The following CRPPA variants were observed in gnomAD, a reference collection of about 807,000 sequenced individuals.
The protein encoded by CRPPA is D-ribitol-5-phosphate cytidylyltransferase.
A neutral mutation model predicts 52.0 loss-of-function variants in CRPPA; 43 were observed. That is an observed-to-expected ratio of 0.83 (90% confidence interval 0.65 to 1.07). The LOEUF is 1.07. Ranked by LOEUF, CRPPA falls within the 50% of genes least tolerant of loss-of-function variation. CRPPA has a pLI of 0.00. For missense variants in CRPPA, 629 were observed against 551.7 expected (o/e 1.14, Z -1.40); for synonymous variants, 250 against 203.5 (o/e 1.23, Z -1.94).
intron 9 of CRPPA, among the ~76,000 whole-genome samples, chr7:16,107,293 A>C (rs1255836493): frequency 1.3e-5 from 2 of 152,190 alleles, no homozygotes; most frequent in Admixed American, 1.3e-4. Context: ...TAATCAATGC[A>C]ACCCAGAAAG....
chr7:16,310,815 A>C (rs2158487), intron 3 of CRPPA, among the ~76,000 whole-genome samples: 123,036 of 152,010 alleles, frequency 0.81, 50,560 homozygotes, highest in African/African-American at 0.95. Context: ...TACAAACAAG[A>C]TGTAATCCAA....
intron 9 of CRPPA, among the ~76,000 whole-genome samples, chr7:16,124,848 CAATT>C (rs1434031505): frequency 6.6e-6 from 1 of 150,980 alleles, no homozygotes. Context: ...AATTAAATGT[CAATT>C]AAAATAATTT....
chr7:16,331,146 C>T (rs1475422113), intron 3 of CRPPA, among the ~76,000 whole-genome samples: 14 of 152,100 alleles, frequency 9.2e-5, no homozygotes, highest in East Asian at 1.9e-4. Flanking sequence ...ACTACAGGCG[C>T]ACGCCACCAT....
At chr7:16,235,383 C>T (rs1414082686) in intron 8 of CRPPA, among the ~76,000 whole-genome samples, 1 of 152,042 alleles carries the variant, frequency 6.6e-6, no homozygotes, top group African/African-American at 2.4e-5. Flanking sequence ...AAATGCCTAA[C>T]ACATGCAGGA....
intron 9 of CRPPA, among the ~76,000 whole-genome samples, chr7:16,211,688 G>T (rs138128913): frequency 6.6e-4 from 100 of 152,232 alleles, no homozygotes; most frequent in African/African-American, 2.4e-3. Context: ...AGTAAATGCG[G>T]ACCTTTGAGA....
At chr7:16,213,079 T>A (rs1782195383) in intron 9 of CRPPA, among the ~76,000 whole-genome samples, 1 of 152,190 alleles carries the variant, frequency 6.6e-6, no homozygotes, top group Non-Finnish European at 1.5e-5. Flanking sequence ...AAAAAGTCAT[T>A]ATAGAGGTAT....
At chr7:16,191,670 C>T (rs950201084) in intron 9 of CRPPA, among the ~76,000 whole-genome samples, 6 of 152,032 alleles carry the variant, frequency 3.9e-5, no homozygotes, top group African/African-American at 9.7e-5. Context: ...GGCTTTGTAC[C>T]GGTTGCTTCC....
chr7:16,386,905 A>T (rs554539782), intron 2 of CRPPA, among the ~76,000 whole-genome samples: 1 of 151,958 alleles, frequency 6.6e-6, no homozygotes, highest in African/African-American at 2.4e-5. Flanking sequence ...CTGTAGTCCC[A>T]GCTACTTGGA....
At chr7:16,310,622 A>T (rs189113197) in intron 3 of CRPPA, among the ~76,000 whole-genome samples, 1 of 152,272 alleles carries the variant, frequency 6.6e-6, no homozygotes, top group East Asian at 1.9e-4. Flanking sequence ...ACTCATCGAC[A>T]AAGTCAAATA....
At chr7:16,269,801 A>T (rs994141349) in intron 6 of CRPPA, 1 of 152,186 alleles carries the variant, frequency 6.6e-6, no homozygotes, top group African/African-American at 2.4e-5. Context: ...ATTATACTAC[A>T]CACAAATACT....
intron 8 of CRPPA, chr7:16,235,866 C>G (rs1022804839): frequency 1.3e-5 from 2 of 152,034 alleles, no homozygotes; most frequent in African/African-American, 4.8e-5. Flanking sequence ...TAATTTTGAA[C>G]TGGGGATAAT....
intron 3 of CRPPA, among the ~76,000 whole-genome samples, chr7:16,359,084 G>C (rs1786377665): frequency 6.6e-6 from 1 of 152,182 alleles, no homozygotes; most frequent in Non-Finnish European, 1.5e-5. Context: ...GAAAATGCTT[G>C]CTTTAATATT....
intron 5 of CRPPA, among the ~76,000 whole-genome samples, chr7:16,283,017 A>G (rs1784348445): frequency 6.6e-6 from 1 of 152,026 alleles, no homozygotes; most frequent in African/African-American, 2.4e-5. Flanking sequence ...TATATTTTCA[A>G]ATACATATGC....
chr7:16,362,045 G>C (rs1029591579), intron 3 of CRPPA, among the ~76,000 whole-genome samples: 5 of 152,010 alleles, frequency 3.3e-5, no homozygotes, highest in African/African-American at 1.2e-4. Flanking sequence ...TGGTAGAGAC[G>C]GGGTTTCACC....
At chr7:16,244,002 T>G (rs1420727194) in intron 8 of CRPPA, among the ~76,000 whole-genome samples, 1 of 152,120 alleles carries the variant, frequency 6.6e-6, no homozygotes, top group Non-Finnish European at 1.5e-5. Context: ...AAATGAAGCA[T>G]ATCACAGCAT....
At chr7:16,288,516 G>C (rs1017285023) in intron 5 of CRPPA, among the ~76,000 whole-genome samples, 1 of 151,890 alleles carries the variant, frequency 6.6e-6, no homozygotes, top group South Asian at 2.1e-4. Context: ...TTTGTAGAAG[G>C]AAAGAAAGAT....
rs1315040346 is a variant in CRPPA at position 16,133,507 on chromosome 7, G to C, written c.1252-41708C>G. Among the ~76,000 whole-genome samples, 2 of 124,034 alleles carry C rather than the reference G, an allele frequency of 1.6e-5. 1 individual carries two copies. Among genetic ancestry groups the C allele is most frequent in the Non-Finnish European group, 3.7e-5 (2 of 54,576 alleles). The allele number at this position is 124,034 out of a possible 152,430, so 81.4% of individuals were successfully genotyped here. ...AGCCACCTCCTGTTGCTATTTCAGT[G>C]GGCTCGAATGTTGCAAGTATCTGCT... On this transcript the variant is annotated intron_variant, in intron 9 of 9. Transcript: ENST00000407010.
chr7:16,318,340 G>A (rs781696051), intron 3 of CRPPA, among the ~76,000 whole-genome samples: 2 of 151,994 alleles, frequency 1.3e-5, no homozygotes, highest in Non-Finnish European at 2.9e-5. Context: ...GCTTTTATCA[G>A]TCACACATGC....
At chr7:16,378,203 G>A (rs112704633) in intron 2 of CRPPA, among the ~76,000 whole-genome samples, 3,768 of 151,094 alleles carry the variant, frequency 0.025, 66 homozygotes, top group East Asian at 0.12. Flanking sequence ...CTGGTGCGCT[G>A]TACCCATTAA....
Sources: gnomAD v4.1 joint callset for allele counts (sites outside exome capture counted in the v4.1 genomes callset) on GRCh38, gnomAD v4.1.1 for gene constraint, MANE v1.5 for transcripts, NCBI Gene and HGNC (gene_info 2026-07-23, HGNC 2026-07-21) for gene names.